DOK5: variants seen among roughly 807,000 people sequenced by gnomAD.
The protein encoded by DOK5 is docking protein 5.
A neutral mutation model predicts 43.3 loss-of-function variants in DOK5; 27 were observed. The ratio of observed to expected loss-of-function variants is 0.62; its 90% CI spans 0.46 to 0.86. The LOEUF (loss-of-function observed/expected upper bound fraction) is 0.86, where lower values mean the gene tolerates loss of function less well. DOK5 is among the 40% of genes least tolerant of loss of function. The probability of loss-of-function intolerance (pLI) is 0.00; values close to 1 mark genes in which losing one functional copy is unlikely to be tolerated. For missense variants in DOK5, 373 were observed against 392.9 expected (o/e 0.95, Z 0.43); for synonymous variants, 146 against 140.1 (o/e 1.04, Z -0.30).
intron 2 of DOK5, among the ~76,000 whole-genome samples, chr20:54,557,549 A>G (rs1268520377): frequency 6.6e-6 from 1 of 152,190 alleles, no homozygotes; most frequent in Non-Finnish European, 1.5e-5. Flanking sequence ...CGATCACGCG[A>G]TTTGATTTCT....
chr20:54,533,950 A>T (rs988321059), intron 1 of DOK5, among the ~76,000 whole-genome samples: 5 of 152,176 alleles, frequency 3.3e-5, no homozygotes, highest in Admixed American at 2.6e-4. Context: ...ACCATACTAT[A>T]ACTTATTTGA....
intron 1 of DOK5, among the ~76,000 whole-genome samples, chr20:54,477,393 T>A (rs985016388): frequency 6.6e-6 from 1 of 152,254 alleles, no homozygotes; most frequent in East Asian, 1.9e-4. Context: ...TTAGCGATTA[T>A]GTCCTGTGTT....
At chr20:54,501,485 AAAAAAAAG>A (rs1184503695) in intron 1 of DOK5, among the ~76,000 whole-genome samples, 3 of 146,614 alleles carry the variant, frequency 2.0e-5, no homozygotes, top group African/African-American at 5.4e-5. Flanking sequence ...AAAAAAAAAA[AAAAAAAAG>A]AAGAAAAGGA....
chr20:54,519,126 C>T (rs8116343), intron 1 of DOK5, among the ~76,000 whole-genome samples: 4,380 of 152,242 alleles, frequency 0.029, 207 homozygotes, highest in African/African-American at 0.1. Context: ...GAAGTTGAGG[C>T]TTGTGGAGTT....
intron 1 of DOK5, among the ~76,000 whole-genome samples, chr20:54,528,856 A>G (rs1235115748): frequency 6.6e-6 from 1 of 152,240 alleles, no homozygotes; most frequent in Non-Finnish European, 1.5e-5. Context: ...AGTTAAAAAA[A>G]AAGCAGAGGG....
chr20:54,637,244 C>T (rs1005398706), intron 6 of DOK5, among the ~76,000 whole-genome samples: 9 of 152,260 alleles, frequency 5.9e-5, no homozygotes, highest in South Asian at 2.1e-4. Context: ...TGACATAAGT[C>T]GATTGATTGC....
intron 1 of DOK5, among the ~76,000 whole-genome samples, chr20:54,477,899 A>G (rs1265449904): frequency 1.3e-5 from 2 of 152,244 alleles, no homozygotes; most frequent in Non-Finnish European, 2.9e-5. Context: ...TTTCTAGATT[A>G]TTACAATTGA....
chr20:54,588,471 G>A lies in DOK5; in HGVS notation c.175-12G>A. ...CAGGGAGTGTGTCAAACTTCTAATTGTTCATTTTCAGGTTACAGAACTCAA... is the reference window on the plus strand; with the variant it reads ...CAGGGAGTGTGTCAAACTTCTAATTATTCATTTTCAGGTTACAGAACTCAA... On this transcript the variant is annotated splice_polypyrimidine_tract_variant and intron_variant, in intron 2 of 7. Transcript: ENST00000262593. 6.2e-7 allele frequency: 1 copy of A among 1,611,298 alleles called. No homozygotes were observed. Among genetic ancestry groups the A allele is most frequent in the Non-Finnish European group, 8.5e-7 (1 of 1,177,460 alleles).
intron 2 of DOK5, among the ~76,000 whole-genome samples, chr20:54,570,336 A>G (rs1413803063): frequency 1.3e-5 from 2 of 152,216 alleles, no homozygotes; most frequent in Non-Finnish European, 2.9e-5. Flanking sequence ...TTTGAAGACA[A>G]CGTACAAAAG....
rs184004841 is a variant in DOK5 at position 54,537,751 on chromosome 20, T to A, written c.67-17182T>A. On this transcript the variant is annotated intron_variant, in intron 1 of 7. Transcript: ENST00000262593. ...GAAGGAGAGGAGAGAGACATGGGAC[T>A]GAAAAGTGTGGAAGTCCTCATCTAC... 3.4e-4 allele frequency among the ~76,000 whole-genome samples: 52 copies of A among 151,272 alleles called. No individual in the cohort carries two copies. The East Asian group carries it at 8.5e-3, about 25-fold the overall frequency.
Position 54,531,758 on chromosome 20 carries a change from C to G in DOK5, c.67-23175C>G, listed in dbSNP as rs139320213. On this transcript the variant is annotated intron_variant, in intron 1 of 7. Coordinates refer to ENST00000262593, the MANE Select transcript of DOK5 (RefSeq NM_018431.5). ...ACTGGCTCTACTGATGTTATGTATT[C>G]TTTAAGTTGGGGATTCATTTATTTC... 5.4e-3 allele frequency among the ~76,000 whole-genome samples: 816 copies of G among 152,302 alleles called. 7 individuals are homozygous for G. Among genetic ancestry groups the G allele is most frequent in the African/African-American group, 0.018 (760 of 41,582 alleles).
intron 1 of DOK5, among the ~76,000 whole-genome samples, chr20:54,521,898 G>A (rs1983410603): frequency 2.0e-5 from 3 of 152,124 alleles, no homozygotes; most frequent in Non-Finnish European, 4.4e-5. Context: ...TTGTCACTCA[G>A]GACATTCCAG....
At chr20:54,560,959 T>C (rs557024137) in intron 2 of DOK5, among the ~76,000 whole-genome samples, 1 of 152,320 alleles carries the variant, frequency 6.6e-6, no homozygotes, top group South Asian at 2.1e-4. Flanking sequence ...TGGCTCATTG[T>C]ACAGCATCAG....
At chr20:54,554,047 G>T (rs953564996) in intron 1 of DOK5, among the ~76,000 whole-genome samples, 1 of 151,936 alleles carries the variant, frequency 6.6e-6, no homozygotes, top group Non-Finnish European at 1.5e-5. Flanking sequence ...ATGTGCTAGT[G>T]TACCTTTTAC....
chr20:54,522,819 GTTGTT>G (rs755316072), intron 1 of DOK5, among the ~76,000 whole-genome samples: 2 of 151,970 alleles, frequency 1.3e-5, no homozygotes, highest in Non-Finnish European at 2.9e-5. Flanking sequence ...CTGGCCCAAA[GTTGTT>G]TTCTGAAGAG....
At chr20:54,539,279 CAAAAAAAAAAAAAAAAA>C (rs57981823) in intron 1 of DOK5, among the ~76,000 whole-genome samples, 2 of 44,730 alleles carry the variant, frequency 4.5e-5, no homozygotes, top group Non-Finnish European at 1.0e-4. Context: ...GCTCCATCTC[CAAAAAAAAAAAAAAAAA>C]AAAAAAAAAA....
chr20:54,634,535 G>A (rs1421843393), intron 6 of DOK5, among the ~76,000 whole-genome samples: 1 of 137,684 alleles, frequency 7.3e-6, no homozygotes. Flanking sequence ...TCTGCCTCCC[G>A]AGTTCACGCC....
At chr20:54,517,036 G>A (rs1983220511) in intron 1 of DOK5, among the ~76,000 whole-genome samples, 1 of 152,112 alleles carries the variant, frequency 6.6e-6, no homozygotes, top group Non-Finnish European at 1.5e-5. Flanking sequence ...TTGTTCTATA[G>A]TAATCCTTTC....
In DOK5 at chr20:54,635,793, C is replaced by T. The variant is rs140755084; in HGVS notation, c.736-7665C>T. 4.6e-5 allele frequency among the ~76,000 whole-genome samples: 7 copies of T among 152,268 alleles called. 1 individual carries two copies. The East Asian group carries it at 1.4e-3, about 29-fold the overall frequency. On this transcript the variant is annotated intron_variant, in intron 6 of 7. Coordinates refer to ENST00000262593, the MANE Select transcript of DOK5 (RefSeq NM_018431.5). Reference sequence around the variant, plus strand: ...CTTCTCAAATATTTTTGACAGTACCCTCTAGGCCTCAGCAACCACTGATCT... The same window carrying T: ...CTTCTCAAATATTTTTGACAGTACCTTCTAGGCCTCAGCAACCACTGATCT...
Sources: gnomAD v4.1 joint callset for allele counts (sites outside exome capture counted in the v4.1 genomes callset) on GRCh38, gnomAD v4.1.1 for gene constraint, MANE v1.5 for transcripts, NCBI Gene and HGNC (gene_info 2026-07-23, HGNC 2026-07-21) for gene names.